The following CATSPERE variants were observed in gnomAD, a reference collection of about 807,000 sequenced individuals.
CATSPERE encodes catsper channel auxiliary subunit epsilon.
A neutral mutation model predicts 114.1 loss-of-function variants in CATSPERE; 93 were observed. That is an observed-to-expected ratio of 0.81 (90% CI 0.69 to 0.97). The LOEUF is 0.97. Among genes scored for constraint, CATSPERE ranks in the 50% least tolerant of loss-of-function variants. CATSPERE has a pLI of 0.00. For synonymous variants in CATSPERE, 341 were observed against 384.1 expected (o/e 0.89, Z 1.31); for missense variants, 1,058 against 1,131.6 (o/e 0.93, Z 0.93).
chr1:244,561,201 T>C (rs1662502293), intron 10 of CATSPERE, 56 bp downstream of exon 10: 1 of 1,245,888 alleles, frequency 8.0e-7, no homozygotes. Context: ...GACATCTTCC[T>C]TATAATGATG....
intron 17 of CATSPERE, among the ~76,000 whole-genome samples, chr1:244,600,083 G>A (rs1361959462): frequency 1.3e-5 from 2 of 152,130 alleles, no homozygotes; most frequent in Non-Finnish European, 2.9e-5. Flanking sequence ...CCTCAACTTA[G>A]GACGTGACGG....
chr1:244,527,583 C>G (rs1678853944), intron 8 of CATSPERE, among the ~76,000 whole-genome samples: 1 of 152,112 alleles, frequency 6.6e-6, no homozygotes, highest in Non-Finnish European at 1.5e-5. Flanking sequence ...ACATCCTCCT[C>G]AGCTTACGAA....
intron 10 of CATSPERE, among the ~76,000 whole-genome samples, chr1:244,562,955 A>C (rs1292949934): frequency 1.3e-5 from 2 of 151,558 alleles, no homozygotes; most frequent in African/African-American, 4.9e-5. Flanking sequence ...TCATTGTTCA[A>C]CTCCCACTTA....
At chr1:244,493,486 C>G (rs1672583962) in intron 6 of CATSPERE, among the ~76,000 whole-genome samples, 2 of 152,136 alleles carry the variant, frequency 1.3e-5, no homozygotes, top group African/African-American at 2.4e-5. Context: ...AGACCTAAAA[C>G]CATAAAAACC....
intron 6 of CATSPERE, among the ~76,000 whole-genome samples, chr1:244,493,459 T>A (rs1672577169): frequency 2.0e-5 from 3 of 152,162 alleles, no homozygotes; most frequent in Non-Finnish European, 4.4e-5. Flanking sequence ...TCAAGATGGA[T>A]TAAAGACTTA....
chr1:244,455,808 T>C (rs913439036), intron 1 of CATSPERE, among the ~76,000 whole-genome samples: 13 of 151,860 alleles, frequency 8.6e-5, no homozygotes, highest in African/African-American at 3.1e-4. Flanking sequence ...GGAAAAAAGC[T>C]CTGTTTTCCT....
chr1:244,615,629 T>G (rs1292292593), intron 19 of CATSPERE, among the ~76,000 whole-genome samples: 1 of 152,070 alleles, frequency 6.6e-6, no homozygotes, highest in Non-Finnish European at 1.5e-5. Flanking sequence ...CACTGTAATC[T>G]TACGGGACCA....
Position 244,625,432 on chromosome 1 carries a change from A to ATTTTTTTTTTTT in CATSPERE, c.2648+7750_2648+7761dup, listed in dbSNP as rs61325021. 4.5e-3 allele frequency among the ~76,000 whole-genome samples: 18 copies of ATTTTTTTTTTTT among 3,984 alleles called. 6 individuals are homozygous for ATTTTTTTTTTTT. Among genetic ancestry groups the ATTTTTTTTTTTT allele is most frequent in the Non-Finnish European group, 6.6e-3 (14 of 2,112 alleles). 2.6% of individuals were successfully genotyped at this position (3,984 alleles called of 152,430 possible). A position where few individuals can be genotyped will look rare whatever the true frequency, so the allele number is the denominator to read the frequency against. On this transcript the variant is annotated intron_variant, in intron 20 of 21. Coordinates refer to ENST00000366534, the MANE Select transcript of CATSPERE (RefSeq NM_001130957.2). ...TATATATATATATATATATATATATATTTTTTTTTTTTTTTGAGATGGAGT... is the reference window on the plus strand; with the variant it reads ...TATATATATATATATATATATATATATTTTTTTTTTTTTTTTTTTTTTTTTTTGAGATGGAGT...
chr1:244,464,721 CTGT>C (rs1363845209), intron 2 of CATSPERE, among the ~76,000 whole-genome samples: 3 of 151,702 alleles, frequency 2.0e-5, no homozygotes, highest in African/African-American at 7.3e-5. Context: ...ATAGCTATTG[CTGT>C]TGTTATTTTC....
At chr1:244,525,576 A>T (rs1043537845) in intron 8 of CATSPERE, among the ~76,000 whole-genome samples, 1 of 152,112 alleles carries the variant, frequency 6.6e-6, no homozygotes, top group Non-Finnish European at 1.5e-5. Context: ...TTGCTGATGG[A>T]AGTGTAAATT....
intron 20 of CATSPERE, among the ~76,000 whole-genome samples, chr1:244,623,058 T>TTTTATTTATTTATTTATTTATTTATTTA (rs6143712): frequency 6.1e-4 from 89 of 145,606 alleles, no homozygotes; most frequent in Admixed American, 2.6e-3. Flanking sequence ...TTTGTCTTAT[T>TTTTATTTATTTATTTATTTATTTATTTA]TTTATTTATT....
Position 244,572,527 on chromosome 1 carries a change from C to T in CATSPERE, c.1705C>T (p.His569Tyr). 1 of 1,614,030 alleles carries T rather than the reference C, an allele frequency of 6.2e-7. No individual in the cohort carries two copies. Among genetic ancestry groups the T allele is most frequent in the East Asian group, 2.2e-5 (1 of 44,876 alleles). The change falls in exon 11 of 22, where the codon CAT becomes TAT. Residue 569 changes from histidine (H) to tyrosine (Y), a missense_variant. Around this residue, in one of 2 missense-constraint regions of CATSPERE, gnomAD observed 787 missense variants for 905.6 expected, o/e 0.87. Transcript: ENST00000366534. ...GTIQIQDYPL[H>Y]LEAQSIAFTT... Reference sequence around the variant, plus strand: ...AATACAAATACAGGACTATCCCTTACATCTGGAAGCACAAAGTATAGCTTT... The same window carrying T: ...AATACAAATACAGGACTATCCCTTATATCTGGAAGCACAAAGTATAGCTTT...
rs553582329 is a variant in CATSPERE, at chr1:244,489,098, C to T, written c.327-1349C>T. Among the ~76,000 whole-genome samples the T allele has an allele frequency of 2.6e-5, 4 of 152,130 alleles. No individual in the cohort carries two copies. The South Asian group carries it at 8.3e-4, about 31-fold the overall frequency. ...AAAAAACTTTCTAGAAAACATACAA[C>T]TAAACATACAAATGAATATTAGTCC... is the stretch of plus-strand genomic sequence containing the variant. On this transcript the variant is annotated intron_variant, in intron 5 of 21. Transcript: ENST00000366534.
At chr1:244,577,035 C>G (rs1056314072) in intron 11 of CATSPERE, among the ~76,000 whole-genome samples, 1 of 151,918 alleles carries the variant, frequency 6.6e-6, no homozygotes, top group Non-Finnish European at 1.5e-5. Context: ...CATAATGCAT[C>G]ATTTCTGAGT....
intron 8 of CATSPERE, among the ~76,000 whole-genome samples, chr1:244,534,034 A>G (rs1045622173): frequency 6.6e-6 from 1 of 152,120 alleles, no homozygotes; most frequent in Non-Finnish European, 1.5e-5. Context: ...CAGATTTACT[A>G]TTCTAGGGTA....
At chr1:244,531,714 C>T (rs908333580) in intron 8 of CATSPERE, among the ~76,000 whole-genome samples, 1 of 152,098 alleles carries the variant, frequency 6.6e-6, no homozygotes, top group Non-Finnish European at 1.5e-5. Context: ...TCTAATCTGT[C>T]ATTGAATTCG....
At chr1:244,532,635 C>T (rs905489249) in intron 8 of CATSPERE, among the ~76,000 whole-genome samples, 8 of 152,022 alleles carry the variant, frequency 5.3e-5, no homozygotes, top group South Asian at 2.1e-4. Flanking sequence ...CATTCAGGAG[C>T]GTATTGTTTA....
At position 244,478,064 on chromosome 1, in the gene CATSPERE, C is replaced by G. The variant is rs896865102; in HGVS notation, c.258+89C>G. 153 of 1,005,380 alleles carry G rather than the reference C, an allele frequency of 1.5e-4. 1 individual carries two copies. The highest frequency in any genetic ancestry group is 2.2e-4 in the Non-Finnish European group (145 of 654,270). The allele number at this position is 1,005,380 out of a possible 1,614,324, so 62.3% of individuals were successfully genotyped here. A position where few individuals can be genotyped will look rare whatever the true frequency, so the allele number is the denominator to read the frequency against. ...TATTTTGCCTTTCTTTTGAGCTTTT[C>G]AATCTAATTTAACCTGTTTTAAATA... On this transcript the variant is annotated intron_variant, in intron 4 of 21. Coordinates refer to ENST00000366534, the MANE Select transcript of CATSPERE (RefSeq NM_001130957.2).
intron 4 of CATSPERE, among the ~76,000 whole-genome samples, chr1:244,479,180 G>A (rs1025813854): frequency 3.3e-5 from 5 of 151,222 alleles, no homozygotes; most frequent in East Asian, 2.0e-4. Context: ...CGCATCCTCC[G>A]CCTCCTGGGT....
Sources: gnomAD v4.1 joint callset for allele counts (sites outside exome capture counted in the v4.1 genomes callset) on GRCh38, gnomAD v4.1.1 for gene constraint, gnomAD v4.1.1 regional missense constraint, MANE v1.5 for transcripts, NCBI Gene and HGNC (gene_info 2026-07-23, HGNC 2026-07-21) for gene names.